CNTN5: variants seen among roughly 807,000 people sequenced by gnomAD.
CNTN5 encodes contactin 5.
A neutral mutation model predicts 129.1 loss-of-function variants in CNTN5; 77 were observed. The observed-to-expected ratio is 0.60, with a 90% CI of 0.50 to 0.72. CNTN5 has a LOEUF of 0.72. CNTN5 is among the 30% of genes least tolerant of loss of function. The pLI, the probability that CNTN5 is intolerant of heterozygous loss-of-function variation, is 0.00. For synonymous variants in CNTN5, 509 were observed against 465.6 expected (o/e 1.09, Z -1.20); for missense variants, 1,478 against 1,328.8 (o/e 1.11, Z -1.75).
At chr11:99,362,028 G>A (rs1464878559) in intron 2 of CNTN5, among the ~76,000 whole-genome samples, 9 of 151,912 alleles carry the variant, frequency 5.9e-5, no homozygotes, top group South Asian at 2.1e-4. Context: ...TTAATTTTGG[G>A]GGGAACTTCC....
intron 8 of CNTN5, among the ~76,000 whole-genome samples, chr11:99,984,584 G>A (rs1434682699): frequency 1.3e-5 from 2 of 151,884 alleles, no homozygotes; most frequent in Non-Finnish European, 2.9e-5. Context: ...CTATTTTTGT[G>A]TTCCTTTTAA....
At chr11:100,289,866 G>T (rs1268719068) in intron 18 of CNTN5, among the ~76,000 whole-genome samples, 3 of 150,288 alleles carry the variant, frequency 2.0e-5, no homozygotes, top group Admixed American at 2.0e-4. Context: ...AAACCCCATT[G>T]TCTCAGCCCA....
At chr11:99,234,836 A>C (rs957120046) in intron 1 of CNTN5, among the ~76,000 whole-genome samples, 15 of 152,296 alleles carry the variant, frequency 9.8e-5, no homozygotes, top group African/African-American at 3.6e-4. Context: ...CACAGATATC[A>C]TTATGTCAAT....
chr11:100,148,852 C>T (rs764706152), intron 13 of CNTN5, among the ~76,000 whole-genome samples: 4 of 150,774 alleles, frequency 2.7e-5, no homozygotes, highest in Non-Finnish European at 4.4e-5. Context: ...TTTGGTAGTG[C>T]GGTTCTTATT....
At chr11:99,182,451 G>A (rs530946706) in intron 1 of CNTN5, among the ~76,000 whole-genome samples, 2 of 135,938 alleles carry the variant, frequency 1.5e-5, no homozygotes, top group East Asian at 5.1e-4. Flanking sequence ...TTATACACAG[G>A]CATTTTTTTT....
intron 8 of CNTN5, among the ~76,000 whole-genome samples, chr11:99,967,072 G>A (rs1467993096): frequency 6.6e-6 from 1 of 152,148 alleles, no homozygotes; most frequent in Non-Finnish European, 1.5e-5. Flanking sequence ...TAGTTTTGAA[G>A]TAATTTGGTA....
At chr11:100,352,442 C>T (rs1952438260) in intron 24 of CNTN5, among the ~76,000 whole-genome samples, 1 of 151,588 alleles carries the variant, frequency 6.6e-6, no homozygotes, top group Non-Finnish European at 1.5e-5. Context: ...GGAAAAGATG[C>T]ATCATATCTG....
At chr11:100,072,420 A>G (rs774971570) in intron 12 of CNTN5, among the ~76,000 whole-genome samples, 5 of 152,212 alleles carry the variant, frequency 3.3e-5, no homozygotes, top group South Asian at 2.1e-4. Flanking sequence ...CACTATTTAA[A>G]TACTACAGGA....
At chr11:99,906,701 A>G (rs1238141068) in intron 6 of CNTN5, among the ~76,000 whole-genome samples, 1 of 152,132 alleles carries the variant, frequency 6.6e-6, no homozygotes, top group East Asian at 1.9e-4. Flanking sequence ...ACTTTTTGGA[A>G]TAGTTTCAGA....
chr11:99,186,703 A>C (rs180984423), intron 1 of CNTN5, among the ~76,000 whole-genome samples: 319 of 152,118 alleles, frequency 2.1e-3, no homozygotes, highest in Non-Finnish European at 3.4e-3. Flanking sequence ...AATGGGACAG[A>C]TTCTTTTCTT....
intron 24 of CNTN5, among the ~76,000 whole-genome samples, chr11:100,351,104 T>C (rs1442443): frequency 0.019 from 2,877 of 151,776 alleles, 96 homozygotes; most frequent in African/African-American, 0.064. Flanking sequence ...TACTGATTTG[T>C]GAAATGTCCT....
At chr11:99,183,734 A>T (rs921788439) in intron 1 of CNTN5, among the ~76,000 whole-genome samples, 3 of 152,064 alleles carry the variant, frequency 2.0e-5, no homozygotes, top group Non-Finnish European at 4.4e-5. Flanking sequence ...CAATATATAG[A>T]TAGCTCTGAA....
intron 2 of CNTN5, among the ~76,000 whole-genome samples, chr11:99,501,707 G>A (rs7932102): frequency 0.26 from 39,965 of 152,066 alleles, 5,671 homozygotes; most frequent in East Asian, 0.43. Flanking sequence ...TATTATTAGT[G>A]CTTTATTTAT....
At chr11:99,481,394 A>C (rs12577322) in intron 2 of CNTN5, among the ~76,000 whole-genome samples, 3 of 152,154 alleles carry the variant, frequency 2.0e-5, no homozygotes, top group Non-Finnish European at 4.4e-5. Context: ...TGAGCCTCTA[A>C]TAATTTTGTT....
At chr11:99,249,642 A>C (rs1287992324) in intron 1 of CNTN5, among the ~76,000 whole-genome samples, 1 of 152,026 alleles carries the variant, frequency 6.6e-6, no homozygotes, top group African/African-American at 2.4e-5. Flanking sequence ...AAATATTCCA[A>C]TGTAGAGATT....
intron 1 of CNTN5, among the ~76,000 whole-genome samples, chr11:99,137,957 A>T (rs965490157): frequency 1.3e-5 from 2 of 152,188 alleles, no homozygotes; most frequent in Non-Finnish European, 2.9e-5. Flanking sequence ...TTGTTCTGTA[A>T]CATAAAACTA....
rs1020969586 is a variant in CNTN5 at position 100,357,521 on chromosome 11, A to G, written c.*1301A>G. ...CTTGATGATATCTTAAAGAAGTTCTAACAAGCACAAGAATGTGCCAGAGTT... is the reference window on the plus strand; with the variant it reads ...CTTGATGATATCTTAAAGAAGTTCTGACAAGCACAAGAATGTGCCAGAGTT... On this transcript the variant is annotated 3_prime_UTR_variant, in exon 25 of 25. Transcript: ENST00000524871. 3.3e-5 allele frequency: 5 copies of G among 151,768 alleles called. No individual in the cohort carries two copies. Among genetic ancestry groups the G allele is most frequent in the African/African-American group, 1.2e-4 (5 of 41,388 alleles). 9.4% of individuals were successfully genotyped at this position (151,768 alleles called of 1,614,324 possible).
chr11:99,837,162 A>C (rs903711618), intron 4 of CNTN5, among the ~76,000 whole-genome samples: 1 of 152,128 alleles, frequency 6.6e-6, no homozygotes, highest in African/African-American at 2.4e-5. Context: ...GCCTCTGTTC[A>C]CGATGGAGTT....
At chr11:99,151,675 TG>T (rs1226329967) in intron 1 of CNTN5, among the ~76,000 whole-genome samples, 9 of 152,064 alleles carry the variant, frequency 5.9e-5, no homozygotes, top group African/African-American at 1.7e-4. Flanking sequence ...AATGTTAGAC[TG>T]GATAAAGAAA....
Sources: gnomAD v4.1 joint callset for allele counts (sites outside exome capture counted in the v4.1 genomes callset) on GRCh38, gnomAD v4.1.1 for gene constraint, MANE v1.5 for transcripts, NCBI Gene and HGNC (gene_info 2026-07-23, HGNC 2026-07-21) for gene names.